The following AOAH variants were observed in gnomAD, a reference collection of about 807,000 sequenced individuals.
The protein encoded by AOAH is acyloxyacyl hydrolase (neutrophil).
A neutral mutation model predicts 92.2 loss-of-function variants in AOAH; 64 were observed. That is an observed-to-expected ratio of 0.69 (90% CI 0.57 to 0.86). AOAH has a LOEUF of 0.86. Among genes scored for constraint, AOAH ranks in the 40% least tolerant of loss-of-function variants. The probability of loss-of-function intolerance (pLI) is 0.00; values close to 1 mark genes in which losing one functional copy is unlikely to be tolerated. For synonymous variants in AOAH, 263 were observed against 254.5 expected, an observed-to-expected ratio of 1.03 and a Z score of -0.32; for missense variants, 656 against 694.6, an observed-to-expected ratio of 0.94 and a Z score of 0.62.
At chr7:36,723,887 C>G in intron 1 of AOAH, 135 bp downstream of exon 1, 1 of 913,356 alleles carries the variant, frequency 1.1e-6, no homozygotes, top group Admixed American at 2.8e-5. Flanking sequence ...TTCTCTGTGT[C>G]AGTGAGGTTA....
chr7:36,525,974 G>A (rs1225575585), intron 19 of AOAH, among the ~76,000 whole-genome samples: 18 of 152,272 alleles, frequency 1.2e-4, no homozygotes, highest in African/African-American at 2.6e-4. Context: ...CAAGCTTTGC[G>A]GGGGAATAGG....
At chr7:36,658,632 G>A (rs1328983727) in intron 4 of AOAH, among the ~76,000 whole-genome samples, 1 of 152,272 alleles carries the variant, frequency 6.6e-6, no homozygotes. Context: ...TTTAAAAACT[G>A]TATCAGTTAT....
At chr7:36,709,093 T>C (rs1798605221) in intron 1 of AOAH, among the ~76,000 whole-genome samples, 1 of 152,148 alleles carries the variant, frequency 6.6e-6, no homozygotes, top group Non-Finnish European at 1.5e-5. Context: ...AGCCCTTCCA[T>C]GATGCTCTTC....
chr7:36,532,387 T>C, intron 16 of AOAH, 43 bp from the exon 17 acceptor site: 6 of 1,596,012 alleles, frequency 3.8e-6, no homozygotes, highest in Non-Finnish European at 5.1e-6. Flanking sequence ...CACTCGGCAA[T>C]AGCAGCATTT....
At chr7:36,600,859 G>A (rs1042179860) in intron 11 of AOAH, among the ~76,000 whole-genome samples, 1 of 152,238 alleles carries the variant, frequency 6.6e-6, no homozygotes, top group Non-Finnish European at 1.5e-5. Flanking sequence ...CAGATGATTT[G>A]AGAGCTGCCG....
At chr7:36,620,853 G>A (rs1562629604) in intron 8 of AOAH, 24 bp from the exon 9 acceptor site, 1 of 1,610,940 alleles carries the variant, frequency 6.2e-7, no homozygotes, top group Non-Finnish European at 8.5e-7. Flanking sequence ...ATTAACATTG[G>A]TCTTTGACAT....
intron 3 of AOAH, among the ~76,000 whole-genome samples, chr7:36,671,554 T>C (rs1448772262): frequency 6.6e-6 from 1 of 152,148 alleles, no homozygotes; most frequent in Non-Finnish European, 1.5e-5. Flanking sequence ...AATGCGTGCA[T>C]GCTCATGAAT....
At chr7:36,560,302 G>A (rs1306033120) in intron 13 of AOAH, among the ~76,000 whole-genome samples, 2 of 152,024 alleles carry the variant, frequency 1.3e-5, no homozygotes, top group Non-Finnish European at 2.9e-5. Flanking sequence ...AAATAGCACT[G>A]GATCTATAGA....
chr7:36,680,349 C>A (rs1194489856), intron 2 of AOAH, among the ~76,000 whole-genome samples: 1 of 152,222 alleles, frequency 6.6e-6, no homozygotes, highest in Non-Finnish European at 1.5e-5. Context: ...AGATTATTCT[C>A]AAGAATGGTG....
At chr7:36,548,829 C>T (rs1313528484) in intron 14 of AOAH, 143 bp from the exon 15 acceptor site, 2 of 631,952 alleles carry the variant, frequency 3.2e-6, no homozygotes, top group South Asian at 1.8e-5. Flanking sequence ...CATTCTAGTA[C>T]AGCCAACCAC....
chr7:36,632,114 G>GAAA lies in AOAH; in HGVS notation c.451-11_451-9dup. 5 of 1,302,198 alleles carry GAAA rather than the reference G, an allele frequency of 3.8e-6. No individual in the cohort carries two copies. The highest frequency in any genetic ancestry group is 2.1e-5 in the Admixed American group (1 of 47,570). The allele number at this position is 1,302,198 out of a possible 1,614,324, so 80.7% of individuals were successfully genotyped here. On this transcript the variant is annotated splice_polypyrimidine_tract_variant and intron_variant, in intron 5 of 20. Transcript: ENST00000617537. Reference sequence around the variant, plus strand: ...ACCACTTCTAGAATATTTCTGGGGAGAAAAAAAAAAACAAAAAGAGAGTTG... The same window carrying GAAA: ...ACCACTTCTAGAATATTTCTGGGGAGAAAAAAAAAAAAAACAAAAAGAGAGTTG...
chr7:36,675,333 G>T (rs1473878955), intron 2 of AOAH, among the ~76,000 whole-genome samples: 2 of 152,160 alleles, frequency 1.3e-5, no homozygotes, highest in African/African-American at 2.4e-5. Flanking sequence ...TGACCTTAAA[G>T]AAATAAAAAG....
chr7:36,611,566 T>C lies in AOAH; in HGVS notation c.846+4814A>G, dbSNP rs373284128. 6.6e-5 allele frequency among the ~76,000 whole-genome samples: 10 copies of C among 152,316 alleles called. No homozygotes were observed. In the East Asian group the frequency reaches 1.7e-3, roughly 26 times the overall value. ...GGAGTGATTTTCTTAAAATGTCTAC[T>C]GGGTGGGCCCCTCTTTTTCCTGGAG... On this transcript the variant is annotated intron_variant, in intron 11 of 20. Coordinates refer to ENST00000617537, the MANE Select transcript of AOAH (RefSeq NM_001637.4).
chr7:36,661,881 T>C (rs1795232513), intron 3 of AOAH, among the ~76,000 whole-genome samples: 1 of 152,146 alleles, frequency 6.6e-6, no homozygotes, highest in African/African-American at 2.4e-5. Flanking sequence ...ATTTTACACC[T>C]GGGCATGCAG....
chr7:36,668,193 T>TTG (rs113575872), intron 3 of AOAH, among the ~76,000 whole-genome samples: 22 of 151,848 alleles, frequency 1.4e-4, no homozygotes, highest in Non-Finnish European at 2.9e-4. Flanking sequence ...TGAGAGGTTT[T>TTG]TGTGTGTGTG....
chr7:36,628,962 C>T (rs1394536898), intron 6 of AOAH, among the ~76,000 whole-genome samples: 1 of 152,176 alleles, frequency 6.6e-6, no homozygotes, highest in South Asian at 2.1e-4. Flanking sequence ...GATCTGTGAC[C>T]TTGCACAAAT....
chr7:36,548,623 A>G lies in AOAH; in HGVS notation c.1122T>C (p.Asp374=), dbSNP rs1475801715. The change falls in exon 15 of 21, where the codon GAT becomes GAC. Residue 374 remains aspartate (D), a synonymous_variant. Coordinates refer to ENST00000617537, the MANE Select transcript of AOAH (RefSeq NM_001637.4). Reference sequence around the variant, plus strand: ...TCTCAATAACTCACCCACTGCAGACATCATTTCCAATCATGGCATATATAA... The same window carrying G: ...TCTCAATAACTCACCCACTGCAGACGTCATTTCCAATCATGGCATATATAA... ...AIVIYAMIGN[D]VCSGKSDPVP... The G allele has an allele frequency of 6.2e-7, 1 of 1,613,580 alleles. No homozygotes were observed. The highest frequency in any genetic ancestry group is 1.3e-5 in the African/African-American group (1 of 74,918).
chr7:36,685,003 G>C (rs536986197), intron 2 of AOAH, among the ~76,000 whole-genome samples: 1 of 149,888 alleles, frequency 6.7e-6, no homozygotes, highest in African/African-American at 2.5e-5. Flanking sequence ...CACCTATGGC[G>C]GCCTCCTGAT....
At chr7:36,556,234 G>A (rs912035084) in intron 13 of AOAH, among the ~76,000 whole-genome samples, 8 of 152,090 alleles carry the variant, frequency 5.3e-5, no homozygotes, top group South Asian at 2.1e-4. Context: ...CCTTCATTTC[G>A]TTATGTACCC....
Sources: allele counts gnomAD v4.1 joint callset (sites outside exome capture counted in the v4.1 genomes callset), GRCh38; gene constraint gnomAD v4.1.1; transcripts MANE v1.5; gene names NCBI Gene and HGNC (gene_info 2026-07-23, HGNC 2026-07-21).